MDN1: variants seen among roughly 807,000 people sequenced by gnomAD.
MDN1 encodes midasin AAA ATPase 1.
Under a neutral mutation model 669.2 loss-of-function variants are expected in MDN1, and 266 were observed. The observed-to-expected ratio is 0.40, with a 90% confidence interval of 0.36 to 0.44. The LOEUF is 0.44. MDN1 is among the 20% of genes least tolerant of loss of function. MDN1 has a pLI of 1.00. For missense variants in MDN1, 5,940 were observed against 6,754.0 expected, an observed-to-expected ratio of 0.88 and a Z score of 4.22; for synonymous variants, 2,385 against 2,457.1, an observed-to-expected ratio of 0.97 and a Z score of 0.87.
chr6:89,749,816 T>A, intron 24 of MDN1, 65 bp from the exon 25 acceptor site: 1 of 1,257,092 alleles, frequency 8.0e-7, no homozygotes, highest in Non-Finnish European at 1.1e-6. Flanking sequence ...ATGCATTATG[T>A]ACAAATCAAC....
At position 89,805,307 on chromosome 6, in the gene MDN1, C is replaced by T. The variant is rs79886361; in HGVS notation, c.103-1753G>A. ...TTGTAATCCCACCACTTTGGAAGGC[C>T]GAAGCAGACAGATCCCTTAAGCCGA... On this transcript the variant is annotated intron_variant, in intron 1 of 101. Coordinates refer to ENST00000369393, the MANE Select transcript of MDN1 (RefSeq NM_014611.3). 9.2e-5 allele frequency among the ~76,000 whole-genome samples: 14 copies of T among 152,132 alleles called. No homozygotes were observed. In the South Asian group the frequency reaches 2.3e-3, roughly 25 times the overall value.
At position 89,785,090 on chromosome 6, in the gene MDN1, T is replaced by G. The variant is rs138258535; in HGVS notation, c.1371A>C (p.Leu457=). The G allele has an allele frequency of 6.2e-6, 10 of 1,614,024 alleles. No individual in the cohort carries two copies. Among genetic ancestry groups the G allele is most frequent in the Non-Finnish European group, 8.5e-6 (10 of 1,179,984 alleles). The change falls in exon 9 of 102, where the codon CTA becomes CTC. Residue 457 remains leucine (L), a synonymous_variant. Coordinates refer to ENST00000369393, the MANE Select transcript of MDN1 (RefSeq NM_014611.3). ...TGTCTAGCAAAGTAGCATGACTGTT[T>G]AGCGGTCGATACCAATTTCCTCCAC... The part of the protein sequence containing the change: ...LSCGGNWYRP[L]NSHATLLDKY...
Position 89,701,551 on chromosome 6 carries a change from G to T in MDN1, c.8427+7C>A, listed in dbSNP as rs374800939. The T allele has an allele frequency of 1.9e-6, 3 of 1,613,518 alleles. No individual in the cohort carries two copies. The highest frequency in any genetic ancestry group is 2.5e-6 in the Non-Finnish European group (3 of 1,179,870). On this transcript the variant is annotated splice_region_variant and intron_variant, in intron 55 of 101. Coordinates refer to ENST00000369393, the MANE Select transcript of MDN1 (RefSeq NM_014611.3). ...TTCTTTTATTTACTAAATGCTTCCA[G>T]GTGTACCTTAAAAGGAAACGGTCGT... is the stretch of plus-strand genomic sequence containing the variant.
At chr6:89,768,726 G>T (rs1171938424) in intron 15 of MDN1, among the ~76,000 whole-genome samples, 1 of 151,982 alleles carries the variant, frequency 6.6e-6, no homozygotes, top group Non-Finnish European at 1.5e-5. Context: ...AACAGAGTGA[G>T]ACCCTGTCCC....
rs1487392360 is a variant in MDN1 at position 89,819,753 on chromosome 6, G to A, written c.-146C>T. Reference sequence around the variant, plus strand: ...CAGCTCCAGCGCCTACACCGGGAGAGGGGCACCACACGTGGGTGAGCACAC... The same window carrying A: ...CAGCTCCAGCGCCTACACCGGGAGAAGGGCACCACACGTGGGTGAGCACAC... On this transcript the variant is annotated 5_prime_UTR_variant, in exon 1 of 102. Transcript: ENST00000369393. The A allele has an allele frequency of 3.1e-6, 2 of 651,874 alleles. No individual in the cohort carries two copies. Among genetic ancestry groups the A allele is most frequent in the Non-Finnish European group, 5.4e-6 (2 of 368,842 alleles). 40.4% of individuals were successfully genotyped at this position (651,874 alleles called of 1,614,324 possible).
At chr6:89,803,730 C>T (rs1322211817) in intron 1 of MDN1, among the ~76,000 whole-genome samples, 176 bp from the exon 2 acceptor site, 2 of 151,658 alleles carry the variant, frequency 1.3e-5, no homozygotes, top group Non-Finnish European at 2.9e-5. Context: ...TACAGGCGCC[C>T]GCCACCATAC....
At position 89,784,520 on chromosome 6, in the gene MDN1, G is replaced by A. The variant is rs539708585; in HGVS notation, c.1449+492C>T. On this transcript the variant is annotated intron_variant, in intron 9 of 101. Transcript: ENST00000369393. ...CATAAAAGGGAAGTGGGGCATGAACGGAGTCAAGTGTAATATACTTCTTAC... is the reference window on the plus strand; with the variant it reads ...CATAAAAGGGAAGTGGGGCATGAACAGAGTCAAGTGTAATATACTTCTTAC... Among the ~76,000 whole-genome samples, 10 of 152,128 alleles carry A rather than the reference G, an allele frequency of 6.6e-5. No homozygotes were observed. The South Asian group carries it at 1.2e-3, about 19-fold the overall frequency.
chr6:89,736,170 C>T (rs751739375), intron 33 of MDN1, among the ~76,000 whole-genome samples: 30 of 152,190 alleles, frequency 2.0e-4, no homozygotes, highest in Non-Finnish European at 1.2e-4. Flanking sequence ...TAAGCCACTT[C>T]CCTTATTCAC....
intron 28 of MDN1, 40 bp from the exon 29 acceptor site, chr6:89,745,451 C>T: frequency 6.2e-7 from 1 of 1,613,716 alleles, no homozygotes; most frequent in East Asian, 2.2e-5. Context: ...CTAATGAGTA[C>T]AACTCAAATC....
intron 36 of MDN1, among the ~76,000 whole-genome samples, chr6:89,728,171 G>A (rs967053171): frequency 7.9e-5 from 12 of 151,754 alleles, no homozygotes; most frequent in Admixed American, 6.6e-5. Context: ...CAATCAATTT[G>A]AGCTGGTGCT....
chr6:89,718,976 G>A lies in MDN1; in HGVS notation c.6112C>T (p.Pro2038Ser). Residue 2038 changes from proline to serine, a missense_variant, in exon 42 of 102, where the codon CCC becomes TCC. Pro to Ser is a moderately conservative substitution (Grantham distance 74). Transcript: ENST00000369393. The stretch of plus-strand genomic sequence containing the variant: ...AATGACTGGTGCAGGAGCAACAGGG[G>A]ATGGCGGGACGGGTGAGGAACACAG... ...GSCVPHPSRH[P>S]LLLLHQSFQP... 6.2e-7 allele frequency: 1 copy of A among 1,614,200 alleles called. No homozygotes were observed. The highest frequency in any genetic ancestry group is 8.5e-7 in the Non-Finnish European group (1 of 1,180,038).
chr6:89,653,093 T>C lies in MDN1; in HGVS notation c.15724A>G (p.Thr5242Ala), dbSNP rs1808995259. 1 of 1,614,062 alleles carries C rather than the reference T, an allele frequency of 6.2e-7. No individual in the cohort carries two copies. The highest frequency in any genetic ancestry group is 1.3e-5 in the African/African-American group (1 of 74,928). ...TCTGTCTCCTTATGGGCTTTGTCTG[T>C]TCTGGGGTCTTGGTCTTCCTCTGTT... ...VKTEEDQDPRTDKAHKETENE... is the reference protein window; with the variant it reads ...VKTEEDQDPRADKAHKETENE... Residue 5242 changes from threonine (T) to alanine (A), a missense_variant, in exon 94 of 102, where the codon ACA (threonine) becomes GCA (alanine). Coordinates refer to ENST00000369393, the MANE Select transcript of MDN1 (RefSeq NM_014611.3).
In MDN1 at chr6:89,803,539, C is replaced by G. The variant is rs1767802717; in HGVS notation, c.118G>C (p.Asp40His). 3 of 1,612,094 alleles carry G rather than the reference C, an allele frequency of 1.9e-6. No homozygotes were observed. The highest frequency in any genetic ancestry group is 2.7e-5 in the African/African-American group (2 of 74,950). Reference sequence around the variant, plus strand: ...AAGGTACTCAGGACACACTGGCGATCTTGAGGTGTCCACACCTGAGAAAGG... The same window carrying G: ...AAGGTACTCAGGACACACTGGCGATGTTGAGGTGTCCACACCTGAGAAAGG... ...FLAKQVWTPQ[D>H]RQCVLSTLAQ... Residue 40 changes from aspartate (D) to histidine (H), a missense_variant, in exon 2 of 102, where the codon GAT becomes CAT. Coordinates refer to ENST00000369393, the MANE Select transcript of MDN1 (RefSeq NM_014611.3).
intron 2 of MDN1, among the ~76,000 whole-genome samples, chr6:89,795,996 A>G (rs768263855): frequency 1.1e-4 from 17 of 151,904 alleles, no homozygotes; most frequent in Non-Finnish European, 2.1e-4. Flanking sequence ...ATCATATTAT[A>G]TAACCAATGC....
Position 89,794,813 on chromosome 6 carries a change from A to G in MDN1, c.330-12T>C, listed in dbSNP as rs1431989186. On this transcript the variant is annotated splice_polypyrimidine_tract_variant and intron_variant, in intron 2 of 101. Transcript: ENST00000369393. ...ATCTCAGGGCAAACCTTCAAACACA[A>G]AGAATACAGACATCCCCAACTTAAC... 1.2e-6 allele frequency: 2 copies of G among 1,605,432 alleles called. No homozygotes were observed. The highest frequency in any genetic ancestry group is 2.7e-5 in the African/African-American group (2 of 74,702).
intron 15 of MDN1, among the ~76,000 whole-genome samples, chr6:89,763,340 A>AC (rs1817649999): frequency 2.0e-5 from 3 of 151,486 alleles, no homozygotes; most frequent in Admixed American, 6.6e-5. Flanking sequence ...CGCAAAAAAA[A>AC]AAAAAAAAAA....
intron 36 of MDN1, 24 bp downstream of exon 36, chr6:89,728,907 C>A: frequency 6.3e-7 from 1 of 1,593,218 alleles, no homozygotes; most frequent in South Asian, 1.1e-5. Context: ...CTATCTCCAT[C>A]AGCTGTAGGA....
chr6:89,693,326 C>T (rs1394272629), intron 62 of MDN1, among the ~76,000 whole-genome samples, 178 bp from the exon 63 acceptor site: 1 of 152,184 alleles, frequency 6.6e-6, no homozygotes, highest in Admixed American at 6.5e-5. Context: ...ATAACATTTA[C>T]ACAGCAGTTA....
chr6:89,682,942 C>CA (rs369887699), intron 73 of MDN1, among the ~76,000 whole-genome samples, 190 bp downstream of exon 73: 21,487 of 141,748 alleles, frequency 0.15, 1,703 homozygotes, highest in South Asian at 0.29. Flanking sequence ...CAAAAAAAAG[C>CA]AAAAAAAAAA....
Sources: allele counts gnomAD v4.1 joint callset (sites outside exome capture counted in the v4.1 genomes callset), GRCh38; gene constraint gnomAD v4.1.1; transcripts MANE v1.5; gene names NCBI Gene and HGNC (gene_info 2026-07-23, HGNC 2026-07-21).